The following NKAIN3 variants were observed in gnomAD, a reference collection of about 807,000 sequenced individuals.
NKAIN3 encodes sodium/potassium-transporting ATPase subunit beta-1-interacting protein 3.
A neutral mutation model predicts 30.2 loss-of-function variants in NKAIN3; 25 were observed. That is an observed-to-expected ratio of 0.83 (90% CI 0.60 to 1.16). The LOEUF is 1.16. Ranked by LOEUF, NKAIN3 falls within the 50% of genes most tolerant of loss-of-function variation. The probability of loss-of-function intolerance (pLI) is 0.00; values close to 1 mark genes in which losing one functional copy is unlikely to be tolerated. For synonymous variants in NKAIN3, 91 were observed against 89.6 expected, an observed-to-expected ratio of 1.02 and a Z score of -0.09; for missense variants, 225 against 254.1, an observed-to-expected ratio of 0.89 and a Z score of 0.78.
At chr8:62,654,990 A>C (rs1174917387) in intron 3 of NKAIN3, among the ~76,000 whole-genome samples, 1 of 152,216 alleles carries the variant, frequency 6.6e-6, no homozygotes, top group African/African-American at 2.4e-5. Context: ...AAGATAGCCA[A>C]GGGCTCTATA....
chr8:62,904,958 G>A (rs529475096), intron 4 of NKAIN3, among the ~76,000 whole-genome samples: 1 of 152,110 alleles, frequency 6.6e-6, no homozygotes, highest in Non-Finnish European at 1.5e-5. Context: ...ACTCTCAGAG[G>A]ACACGATCTT....
At chr8:62,949,947 T>A (rs1823236174) in intron 5 of NKAIN3, among the ~76,000 whole-genome samples, 2 of 152,166 alleles carry the variant, frequency 1.3e-5, no homozygotes, top group African/African-American at 4.8e-5. Context: ...AACCTGTCCA[T>A]ACCTTTTCTA....
intron 1 of NKAIN3, among the ~76,000 whole-genome samples, chr8:62,553,412 T>A (rs2129945226): frequency 6.6e-6 from 1 of 152,320 alleles, no homozygotes; most frequent in South Asian, 2.1e-4. Flanking sequence ...ATTTATATGC[T>A]ATGCTATAAA....
At chr8:62,550,144 TTC>T (rs1259553010) in intron 1 of NKAIN3, among the ~76,000 whole-genome samples, 1 of 152,086 alleles carries the variant, frequency 6.6e-6, no homozygotes, top group African/African-American at 2.4e-5. Context: ...TAAGAAACAT[TTC>T]TCTTTCTCTT....
intron 1 of NKAIN3, among the ~76,000 whole-genome samples, chr8:62,286,144 CTG>C (rs1813372683): frequency 6.6e-6 from 1 of 152,144 alleles, no homozygotes; most frequent in South Asian, 2.1e-4. Flanking sequence ...TTCCAGATAT[CTG>C]AATACAACAG....
intron 3 of NKAIN3, among the ~76,000 whole-genome samples, chr8:62,724,172 C>A (rs7830815): frequency 0.8 from 121,424 of 151,996 alleles, 49,094 homozygotes; most frequent in Non-Finnish European, 0.87. Context: ...TACTGTCTCG[C>A]TTATTTCGAT....
At chr8:62,670,095 A>T (rs1813251800) in intron 3 of NKAIN3, among the ~76,000 whole-genome samples, 2 of 152,158 alleles carry the variant, frequency 1.3e-5, no homozygotes, top group Non-Finnish European at 2.9e-5. Context: ...CTATACCATA[A>T]ACAACAACAA....
chr8:62,863,674 T>C, intron 4 of NKAIN3: 3 of 1,409,256 alleles, frequency 2.1e-6, no homozygotes, highest in Non-Finnish European at 3.0e-6. Context: ...ATTTGAGCAA[T>C]TTTATTTCAT....
intron 6 of NKAIN3, among the ~76,000 whole-genome samples, chr8:62,960,730 A>G (rs1051578345): frequency 5.1e-5 from 4 of 78,872 alleles, no homozygotes; most frequent in African/African-American, 2.9e-4. Flanking sequence ...ATACGCAGGA[A>G]AAAAGCACAC....
At chr8:62,472,971 G>C (rs544730682) in intron 1 of NKAIN3, among the ~76,000 whole-genome samples, 2 of 152,296 alleles carry the variant, frequency 1.3e-5, no homozygotes, top group South Asian at 4.1e-4. Flanking sequence ...GCTCTGCAAG[G>C]CTGTCTTGTG....
intron 5 of NKAIN3, among the ~76,000 whole-genome samples, chr8:62,929,515 C>T (rs572202971): frequency 1.6e-4 from 24 of 152,228 alleles, no homozygotes; most frequent in Non-Finnish European, 3.2e-4. Context: ...AAAGTCAAAG[C>T]CAAGGTGTCA....
intron 1 of NKAIN3, among the ~76,000 whole-genome samples, chr8:62,422,607 A>G (rs1202100068): frequency 6.6e-6 from 1 of 152,106 alleles, no homozygotes; most frequent in Non-Finnish European, 1.5e-5. Context: ...ATGAGACATT[A>G]CTAATCAATC....
At chr8:62,278,295 C>T (rs1813033388) in intron 1 of NKAIN3, among the ~76,000 whole-genome samples, 1 of 151,900 alleles carries the variant, frequency 6.6e-6, no homozygotes, top group African/African-American at 2.4e-5. Context: ...ATAAGGGTCA[C>T]ATGATAGAAC....
At chr8:62,626,632 A>G (rs997022742) in intron 3 of NKAIN3, among the ~76,000 whole-genome samples, 4 of 152,064 alleles carry the variant, frequency 2.6e-5, no homozygotes, top group Non-Finnish European at 5.9e-5. Context: ...GCTAACTCTC[A>G]GGCAAGTTAC....
intron 1 of NKAIN3, among the ~76,000 whole-genome samples, chr8:62,454,165 C>T (rs1413212943): frequency 1.3e-5 from 2 of 151,876 alleles, no homozygotes; most frequent in South Asian, 2.1e-4. Flanking sequence ...GTGGACTTCA[C>T]TCCATAACAA....
rs138669007 is a variant in NKAIN3 at position 62,291,702 on chromosome 8, A to C, written c.54+42575A>C. Reference sequence around the variant, plus strand: ...TAAGTGCAGTGTGGTGCTGAGAAGAATGTATATTCTGTTGATTTGGGGTGG... The same window carrying C: ...TAAGTGCAGTGTGGTGCTGAGAAGACTGTATATTCTGTTGATTTGGGGTGG... On this transcript the variant is annotated intron_variant, in intron 1 of 6. Transcript: ENST00000623646. 9.6e-3 allele frequency among the ~76,000 whole-genome samples: 1,462 copies of C among 152,320 alleles called. 15 individuals are homozygous for C. The highest frequency in any genetic ancestry group is 0.016 in the Non-Finnish European group (1,121 of 68,028).
chr8:62,778,529 T>A (rs1021850374), intron 4 of NKAIN3, among the ~76,000 whole-genome samples: 1 of 152,048 alleles, frequency 6.6e-6, no homozygotes, highest in African/African-American at 2.4e-5. Flanking sequence ...CTACTGCCAA[T>A]GTTCACTCAA....
intron 2 of NKAIN3, among the ~76,000 whole-genome samples, chr8:62,588,442 GA>G (rs1441495434): frequency 6.6e-6 from 1 of 151,586 alleles, no homozygotes; most frequent in Admixed American, 6.6e-5. Context: ...CCTCCTTTCA[GA>G]AAAACAAATA....
intron 1 of NKAIN3, among the ~76,000 whole-genome samples, chr8:62,268,859 C>A (rs1812689257): frequency 6.6e-6 from 1 of 152,080 alleles, no homozygotes; most frequent in Non-Finnish European, 1.5e-5. Flanking sequence ...CATAATACTA[C>A]AAATCTGGGA....
Sources: gnomAD v4.1 joint callset for allele counts (sites outside exome capture counted in the v4.1 genomes callset) on GRCh38, gnomAD v4.1.1 for gene constraint, MANE v1.5 for transcripts, NCBI Gene and HGNC (gene_info 2026-07-23, HGNC 2026-07-21) for gene names.